Variants in PHF21A observed in about 807,000 individuals in gnomAD.
PHF21A encodes the protein BHC80a.
A neutral mutation model predicts 82.5 loss-of-function variants in PHF21A; 11 were observed. The observed-to-expected ratio is 0.13, with a 90% CI of 0.08 to 0.22. The LOEUF (loss-of-function observed/expected upper bound fraction) is 0.22. PHF21A is among the 10% of genes least tolerant of loss of function. The pLI, the probability that PHF21A is intolerant of heterozygous loss-of-function variation, is 1.00. For synonymous variants in PHF21A, 297 were observed against 302.8 expected, an observed-to-expected ratio of 0.98 and a Z score of 0.20; for missense variants, 579 against 837.8, an observed-to-expected ratio of 0.69 and a Z score of 3.81.
intron 1 of PHF21A, among the ~76,000 whole-genome samples, chr11:46,105,583 C>A (rs2097144309): frequency 6.6e-6 from 1 of 152,110 alleles, no homozygotes; most frequent in East Asian, 1.9e-4. Flanking sequence ...GTACAGTACC[C>A]TTCCATCACC....
intron 1 of PHF21A, among the ~76,000 whole-genome samples, chr11:46,101,635 A>T (rs1052428516): frequency 6.6e-6 from 1 of 152,144 alleles, no homozygotes; most frequent in Non-Finnish European, 1.5e-5. Flanking sequence ...GAAGCTACTG[A>T]ACTGATTGAC....
At chr11:46,035,174 T>C (rs943946656) in intron 6 of PHF21A, among the ~76,000 whole-genome samples, 2 of 152,174 alleles carry the variant, frequency 1.3e-5, no homozygotes, top group Non-Finnish European at 2.9e-5. Flanking sequence ...AATGTGTAAT[T>C]TGCAATCAAG....
intron 6 of PHF21A, among the ~76,000 whole-genome samples, chr11:46,064,262 ATTTG>A (rs879732916): frequency 3.9e-5 from 6 of 152,172 alleles, no homozygotes; most frequent in Admixed American, 6.6e-5. Flanking sequence ...AAATGATACA[ATTTG>A]TTTGGGCAAA....
intron 9 of PHF21A, among the ~76,000 whole-genome samples, chr11:45,966,864 G>A (rs1021679778): frequency 2.6e-5 from 4 of 152,048 alleles, no homozygotes; most frequent in East Asian, 1.9e-4. Context: ...GGATCCACCC[G>A]CCTTGGCCTC....
chr11:46,030,830 C>CGCGTGT (rs2095850666), intron 6 of PHF21A, among the ~76,000 whole-genome samples: 1 of 142,212 alleles, frequency 7.0e-6, no homozygotes, highest in Non-Finnish European at 1.5e-5. Flanking sequence ...CGTGTGTGTG[C>CGCGTGT]GTGTGTGTGT....
At chr11:46,077,341 T>C (rs1033634132) in intron 5 of PHF21A, among the ~76,000 whole-genome samples, 2 of 152,226 alleles carry the variant, frequency 1.3e-5, no homozygotes, top group Non-Finnish European at 2.9e-5. Context: ...CACTACATCA[T>C]TCAAATTAAC....
chr11:46,085,895 C>A (rs1042613062), intron 3 of PHF21A, among the ~76,000 whole-genome samples: 2 of 151,710 alleles, frequency 1.3e-5, no homozygotes, highest in African/African-American at 4.8e-5. Context: ...TCTCTCAGGG[C>A]TTATATACTA....
At chr11:46,040,473 G>T (rs2096110159) in intron 6 of PHF21A, among the ~76,000 whole-genome samples, 1 of 152,168 alleles carries the variant, frequency 6.6e-6, no homozygotes, top group South Asian at 2.1e-4. Flanking sequence ...TTAAAAAGTG[G>T]GGAGGGGTGA....
At chr11:46,069,372 T>C (rs1315713711) in intron 6 of PHF21A, among the ~76,000 whole-genome samples, 1 of 152,242 alleles carries the variant, frequency 6.6e-6, no homozygotes, top group African/African-American at 2.4e-5. Flanking sequence ...TCCTAGGCTC[T>C]GGATAAAGTC....
At chr11:46,087,051 A>T (rs928431110) in intron 3 of PHF21A, among the ~76,000 whole-genome samples, 1 of 152,236 alleles carries the variant, frequency 6.6e-6, no homozygotes, top group East Asian at 1.9e-4. Context: ...TGAGCTGTCT[A>T]GAATTTGTGT....
chr11:45,955,823 G>C (rs1160445505), intron 10 of PHF21A, among the ~76,000 whole-genome samples: 1 of 152,188 alleles, frequency 6.6e-6, no homozygotes, highest in Non-Finnish European at 1.5e-5. Context: ...CCAGGTGTGA[G>C]GAACGGAACC....
chr11:46,100,694 A>C (rs1318563491), intron 1 of PHF21A, among the ~76,000 whole-genome samples: 1 of 152,222 alleles, frequency 6.6e-6, no homozygotes, highest in African/African-American at 2.4e-5. Flanking sequence ...TTCCCCATGC[A>C]TTGAGATGGA....
At chr11:46,101,187 A>G (rs1326291666) in intron 1 of PHF21A, among the ~76,000 whole-genome samples, 3 of 152,236 alleles carry the variant, frequency 2.0e-5, no homozygotes, top group African/African-American at 4.8e-5. Flanking sequence ...AGCAGGAGTA[A>G]GAAAAGCTAA....
At chr11:45,985,246 A>G (rs2136433921) in intron 6 of PHF21A, among the ~76,000 whole-genome samples, 1 of 152,362 alleles carries the variant, frequency 6.6e-6, no homozygotes, top group East Asian at 1.9e-4. Flanking sequence ...AACGCTGAGG[A>G]TGCAGGAAGG....
At chr11:45,961,101 G>GAA (rs1262982893) in intron 10 of PHF21A, among the ~76,000 whole-genome samples, 1 of 152,166 alleles carries the variant, frequency 6.6e-6, no homozygotes, top group African/African-American at 2.4e-5. Flanking sequence ...TGTTCCCACT[G>GAA]AAAGTGGAAA....
intron 10 of PHF21A, among the ~76,000 whole-genome samples, chr11:45,955,064 T>C (rs1351870421): frequency 3.3e-5 from 5 of 152,206 alleles, no homozygotes; most frequent in Admixed American, 6.5e-5. Context: ...GGGGCACAAA[T>C]GCGGCTTTGT....
At chr11:46,014,643 T>C (rs2095477548) in intron 6 of PHF21A, among the ~76,000 whole-genome samples, 2 of 152,240 alleles carry the variant, frequency 1.3e-5, no homozygotes, top group Non-Finnish European at 1.5e-5. Flanking sequence ...GTTCCCTTTT[T>C]TCCATAGCCT....
At chr11:46,116,206 T>C (rs958061984) in intron 1 of PHF21A, among the ~76,000 whole-genome samples, 1 of 152,206 alleles carries the variant, frequency 6.6e-6, no homozygotes, top group Non-Finnish European at 1.5e-5. Flanking sequence ...AATATTTCAG[T>C]GCACTCCTCT....
intron 1 of PHF21A, chr11:46,118,200 C>CAAAAATA (rs1851920733): frequency 6.6e-6 from 1 of 151,946 alleles, no homozygotes; most frequent in Non-Finnish European, 1.5e-5. Flanking sequence ...ACAATTTAGC[C>CAAAAATA]CAGGTAGGTG....
Sources: gnomAD v4.1 joint callset for allele counts (sites outside exome capture counted in the v4.1 genomes callset) on GRCh38, gnomAD v4.1.1 for gene constraint, MANE v1.5 for transcripts, NCBI Gene and HGNC (gene_info 2026-07-23, HGNC 2026-07-21) for gene names.